The following IL12RB2 variants were observed in gnomAD, a reference collection of about 807,000 sequenced individuals.
The protein encoded by IL12RB2 is interleukin-12 receptor subunit beta-2.
A neutral mutation model predicts 89.4 loss-of-function variants in IL12RB2; 82 were observed. The observed-to-expected ratio is 0.92, with a 90% confidence interval of 0.77 to 1.10. The LOEUF (loss-of-function observed/expected upper bound fraction) is 1.10. IL12RB2 is among the 50% of genes least tolerant of loss of function. IL12RB2 has a pLI of 0.00. For synonymous variants in IL12RB2, 368 were observed against 370.1 expected (o/e 0.99, Z 0.07); for missense variants, 963 against 1,031.9 (o/e 0.93, Z 0.92).
chr1:67,328,382 T>C lies in IL12RB2; in HGVS notation c.662T>C (p.Ile221Thr). 3 of 1,614,180 alleles carry C rather than the reference T, an allele frequency of 1.9e-6. No individual in the cohort carries two copies. Among genetic ancestry groups the C allele is most frequent in the Non-Finnish European group, 2.5e-6 (3 of 1,180,032 alleles). ...CCATCCACATTCACATTCTTGGACA[T>C]AGGTACATTTTATTTCACTGTTTCA... is the stretch of plus-strand genomic sequence containing the variant. The part of the protein sequence containing the change: ...SLPSTFTFLD[I>T]VRPLPPWDIR... The change falls in exon 6 of 17, where the codon ATA becomes ACA. Residue 221 changes from isoleucine to threonine, a missense_variant and splice_region_variant. Coordinates refer to ENST00000674203, the MANE Select transcript of IL12RB2 (RefSeq NM_001374259.2).
chr1:67,386,212 A>AT (rs1267330291), intron 14 of IL12RB2, among the ~76,000 whole-genome samples: 2 of 149,048 alleles, frequency 1.3e-5, no homozygotes, highest in African/African-American at 5.0e-5. Context: ...CCATCTCAAA[A>AT]AAAAAAAAAA....
At chr1:67,389,407 TA>T (rs1292175613) in intron 15 of IL12RB2, among the ~76,000 whole-genome samples, 3 of 152,106 alleles carry the variant, frequency 2.0e-5, no homozygotes, top group Admixed American at 6.6e-5. Flanking sequence ...TCATGAACTT[TA>T]AAAAAAATAA....
chr1:67,334,530 G>C (rs1432445740), intron 8 of IL12RB2, among the ~76,000 whole-genome samples: 1 of 152,220 alleles, frequency 6.6e-6, no homozygotes, highest in Non-Finnish European at 1.5e-5. Flanking sequence ...CCATGCTGGA[G>C]TGCAGTGGTG....
At chr1:67,385,241 A>G (rs1665011283) in intron 14 of IL12RB2, among the ~76,000 whole-genome samples, 1 of 152,236 alleles carries the variant, frequency 6.6e-6, no homozygotes. Context: ...ACTTACAATC[A>G]TGGCTGAAGG....
chr1:67,389,652 T>C (rs1446315101), intron 15 of IL12RB2, among the ~76,000 whole-genome samples: 2 of 152,238 alleles, frequency 1.3e-5, no homozygotes, highest in East Asian at 3.8e-4. Flanking sequence ...AAACTCTTTG[T>C]AAATATTCTA....
chr1:67,385,952 T>C lies in IL12RB2; in HGVS notation c.1856-627T>C, dbSNP rs1665087691. Among the ~76,000 whole-genome samples, 4 of 152,218 alleles carry C rather than the reference T, an allele frequency of 2.6e-5. No homozygotes were observed. In the South Asian group the frequency reaches 8.3e-4, roughly 32 times the overall value. ...CAGGCCGGGCACGGTGGCTCACGCC[T>C]GTAATCCCAGCACTTTGGGAGGCCG... On this transcript the variant is annotated intron_variant, in intron 14 of 16. Coordinates refer to ENST00000674203, the MANE Select transcript of IL12RB2 (RefSeq NM_001374259.2).
Position 67,350,894 on chromosome 1 carries a change from G to A in IL12RB2, c.1063G>A (p.Gly355Arg). ...GAATCTGAGTGTCTCAGAGGCAAGA[G>A]GAAAAATTCTCCACTATCAGGTGAC... ...WKNLSVSEAR[G>R]KILHYQVTLQ... Residue 355 changes from glycine (G) to arginine (R), a missense_variant, in exon 10 of 17, where the codon GGA (glycine) becomes AGA (arginine). Coordinates refer to ENST00000674203, the MANE Select transcript of IL12RB2 (RefSeq NM_001374259.2). The A allele has an allele frequency of 1.4e-5, 22 of 1,614,008 alleles. No homozygotes were observed. Among genetic ancestry groups the A allele is most frequent in the Non-Finnish European group, 1.7e-5 (20 of 1,179,962 alleles).
rs1665183997 is a variant in IL12RB2 at position 67,386,657 on chromosome 1, A to T, written c.1934A>T (p.Tyr645Phe). ...IIMVGIFSTHYFQQKVFVLLA... is the reference protein window; with the variant it reads ...IIMVGIFSTHFFQQKVFVLLA... ...ATGGTGGGCATTTTCTCAACGCATT[A>T]CTTCCAGCAAAAGTGAGTTGGTTAC... The change falls in exon 15 of 17, where the codon TAC becomes TTC. Residue 645 changes from tyrosine (Y) to phenylalanine (F), a missense_variant. Physicochemically the swap from Tyr to Phe is conservative, Grantham distance 22. Coordinates refer to ENST00000674203, the MANE Select transcript of IL12RB2 (RefSeq NM_001374259.2). The T allele has an allele frequency of 6.2e-7, 1 of 1,608,202 alleles. No individual in the cohort carries two copies.
rs199659099 is a variant in IL12RB2, at chr1:67,372,533, A to T, written c.1557A>T (p.Lys519Asn). Residue 519 changes from lysine (K) to asparagine (N), a missense_variant and splice_region_variant, in exon 12 of 17, where the codon AAA becomes AAT. Transcript: ENST00000674203. ...CSSILGNSKH[K>N]APLSGPHINA... ...CCATCCTGGGTAACTCTAAGCACAA[A>T]GGTGAGTCTTGGGATCTTTTGCCAA... is the stretch of plus-strand genomic sequence containing the variant. 44 of 1,602,300 alleles carry T rather than the reference A, an allele frequency of 2.7e-5. No individual in the cohort carries two copies. Among genetic ancestry groups the T allele is most frequent in the Non-Finnish European group, 3.6e-5 (42 of 1,169,316 alleles).
At chr1:67,378,652 C>A (rs188393448) in intron 13 of IL12RB2, among the ~76,000 whole-genome samples, 10 of 148,662 alleles carry the variant, frequency 6.7e-5, no homozygotes, top group African/African-American at 2.5e-4. Flanking sequence ...GAGTTCGAGA[C>A]CAGCCTGACC....
chr1:67,387,203 T>C (rs1292161999), intron 15 of IL12RB2, among the ~76,000 whole-genome samples: 1 of 151,400 alleles, frequency 6.6e-6, no homozygotes, highest in Non-Finnish European at 1.5e-5. Context: ...GTGCTGGGAT[T>C]ACAGGTATGA....
intron 4 of IL12RB2, among the ~76,000 whole-genome samples, chr1:67,324,056 A>G (rs974895737): frequency 1.3e-5 from 2 of 152,248 alleles, no homozygotes; most frequent in African/African-American, 4.8e-5. Context: ...ACTAATTCTA[A>G]GAGTAAAAGT....
intron 9 of IL12RB2, among the ~76,000 whole-genome samples, chr1:67,348,130 CCTT>C (rs1369214501): frequency 6.6e-6 from 1 of 152,148 alleles, no homozygotes; most frequent in Non-Finnish European, 1.5e-5. Flanking sequence ...GGTTTGCAGT[CCTT>C]CTGAGCTCAC....
chr1:67,322,212 G>T (rs780299834), intron 4 of IL12RB2, among the ~76,000 whole-genome samples: 1 of 152,044 alleles, frequency 6.6e-6, no homozygotes, highest in African/African-American at 2.4e-5. Context: ...TAAAGCTACA[G>T]CCTCCTAAAA....
intron 13 of IL12RB2, among the ~76,000 whole-genome samples, chr1:67,376,425 A>C (rs1416153647): frequency 6.6e-6 from 1 of 152,146 alleles, no homozygotes; most frequent in Non-Finnish European, 1.5e-5. Context: ...TCCTATCTAC[A>C]GCTTTTCCAA....
At chr1:67,393,348 G>T (rs183758310) in intron 16 of IL12RB2, among the ~76,000 whole-genome samples, 12 of 152,348 alleles carry the variant, frequency 7.9e-5, no homozygotes, top group Admixed American at 7.8e-4. Context: ...AGTGGTTTAA[G>T]AGGCCTGCCC....
intron 8 of IL12RB2, among the ~76,000 whole-genome samples, chr1:67,336,709 C>T (rs1658812018): frequency 6.6e-6 from 1 of 152,212 alleles, no homozygotes; most frequent in Non-Finnish European, 1.5e-5. Context: ...ATGGAAGTAT[C>T]GCAGAGAAAC....
intron 1 of IL12RB2, among the ~76,000 whole-genome samples, chr1:67,309,945 TG>T (rs1235727352): frequency 1.3e-5 from 2 of 151,596 alleles, no homozygotes; most frequent in African/African-American, 4.8e-5. Flanking sequence ...GAGGCCGAGG[TG>T]GGGGGATCAC....
intron 11 of IL12RB2, among the ~76,000 whole-genome samples, chr1:67,371,189 A>G: frequency 6.6e-6 from 1 of 152,214 alleles, no homozygotes; most frequent in East Asian, 1.9e-4. Context: ...GGATTACCAT[A>G]CTAAGCTGAC....
Sources: allele counts gnomAD v4.1 joint callset (sites outside exome capture counted in the v4.1 genomes callset), GRCh38; gene constraint gnomAD v4.1.1; transcripts MANE v1.5; gene names NCBI Gene and HGNC (gene_info 2026-07-23, HGNC 2026-07-21).